Variants in LCP2 observed in about 807,000 individuals in gnomAD.
The protein encoded by LCP2 is 76 kDa tyrosine phosphoprotein.
Under a neutral mutation model 74.5 loss-of-function variants are expected in LCP2, and 29 were observed. That is an observed-to-expected ratio of 0.39 (90% CI 0.29 to 0.53). The LOEUF is 0.53. Among genes scored for constraint, LCP2 ranks in the 20% least tolerant of loss-of-function variants. The pLI, the probability that LCP2 is intolerant of heterozygous loss-of-function variation, is 0.72. For missense variants in LCP2, 604 were observed against 634.6 expected (o/e 0.95, Z 0.52); for synonymous variants, 228 against 229.5 (o/e 0.99, Z 0.06).
In LCP2 at chr5:170,246,345, A is replaced by G. The variant is rs530427329; in HGVS notation, c.*2352T>C. Reference sequence around the variant, plus strand: ...TGGGTCACTGCTTATCCTTTAGCTTATGCTTGAATTTGGCTCAGGTTGAAA... The same window carrying G: ...TGGGTCACTGCTTATCCTTTAGCTTGTGCTTGAATTTGGCTCAGGTTGAAA... On this transcript the variant is annotated 3_prime_UTR_variant, in exon 21 of 21. Transcript: ENST00000046794. 22 of 318,414 alleles carry G rather than the reference A, an allele frequency of 6.9e-5. No individual in the cohort carries two copies. Among genetic ancestry groups the G allele is most frequent in the Non-Finnish European group, 1.2e-4 (21 of 174,866 alleles). 19.7% of individuals were successfully genotyped at this position (318,414 alleles called of 1,614,324 possible). A position where few individuals can be genotyped will look rare whatever the true frequency, so the allele number is the denominator to read the frequency against.
intron 15 of LCP2, 136 bp downstream of exon 15, chr5:170,258,730 A>ATAAG (rs1295380610): frequency 1.7e-6 from 1 of 581,774 alleles, no homozygotes; most frequent in East Asian, 2.8e-5. Flanking sequence ...GCCAATTGAC[A>ATAAG]TAAGTCTACT....
chr5:170,274,085 G>A, intron 6 of LCP2: 1 of 576,194 alleles, frequency 1.7e-6, no homozygotes. Flanking sequence ...TTGTGCTCCA[G>A]TAGCAGAGTT....
Position 170,270,900 on chromosome 5 carries a change from T to C in LCP2, c.342A>G (p.Glu114=). The C allele has an allele frequency of 6.2e-7, 1 of 1,612,244 alleles. No homozygotes were observed. Among genetic ancestry groups the C allele is most frequent in the Non-Finnish European group, 8.5e-7 (1 of 1,179,162 alleles). The change falls in exon 7 of 21, where the codon GAA becomes GAG. Residue 114 remains glutamate (E), a synonymous_variant. Transcript: ENST00000046794. ...CCCCATCCTGGTCATCATTGGGACT[T>C]TCATAATCGTCTTCTTCCTGCCCAC... ...GWSSFEEDDY[E]SPNDDQDGED...
rs190265782 is a variant in LCP2 at position 170,266,168 on chromosome 5, T to C, written c.772+640A>G. Among the ~76,000 whole-genome samples the C allele has an allele frequency of 2.9e-3, 443 of 152,332 alleles. 2 individuals are homozygous for C. Among genetic ancestry groups the C allele is most frequent in the Non-Finnish European group, 3.1e-3 (213 of 68,036 alleles). ...AGCTAAGAATTGAATTGAAAATAGC[T>C]GCACGTGAAGGTAACTGCAATCCAA... On this transcript the variant is annotated intron_variant, in intron 10 of 20. Coordinates refer to ENST00000046794, the MANE Select transcript of LCP2 (RefSeq NM_005565.5).
At chr5:170,274,271 A>G (rs781770576) in intron 6 of LCP2, 30 bp downstream of exon 6, 3 of 1,610,706 alleles carry the variant, frequency 1.9e-6, no homozygotes, top group South Asian at 2.2e-5. Context: ...ACTGCTGTAA[A>G]GGTGCAAGAA....
At chr5:170,291,536 T>G (rs564803028) in intron 2 of LCP2, among the ~76,000 whole-genome samples, 1 of 152,228 alleles carries the variant, frequency 6.6e-6, no homozygotes, top group Admixed American at 6.5e-5. Flanking sequence ...GAAGGACTGA[T>G]AGAGGACTGA....
intron 6 of LCP2, among the ~76,000 whole-genome samples, chr5:170,271,804 A>C (rs1761900802): frequency 6.6e-6 from 1 of 152,050 alleles, no homozygotes; most frequent in South Asian, 2.1e-4. Context: ...GTGTGGGAAA[A>C]AGCAATGGGA....
intron 14 of LCP2, 64 bp downstream of exon 14, chr5:170,261,043 C>T (rs1217047136): frequency 2.3e-6 from 3 of 1,281,324 alleles, no homozygotes; most frequent in Non-Finnish European, 3.4e-6. Flanking sequence ...GAGTCCCAAC[C>T]TCCTAAGAGC....
At position 170,267,826 on chromosome 5, in the gene LCP2, G is replaced by A. The variant is rs1761797043; in HGVS notation, c.621+559C>T. Among the ~76,000 whole-genome samples, 3 of 152,066 alleles carry A rather than the reference G, an allele frequency of 2.0e-5. No homozygotes were observed. In the South Asian group the frequency reaches 6.2e-4, roughly 31 times the overall value. ...AGTGAATCCTGCATCTCAAAAGAAG[G>A]TCTTCAAATCTCAAAAGCAATATAC... On this transcript the variant is annotated intron_variant, in intron 8 of 20. Coordinates refer to ENST00000046794, the MANE Select transcript of LCP2 (RefSeq NM_005565.5).
chr5:170,297,426 T>A (rs1304721087), intron 1 of LCP2, 108 bp downstream of exon 1: 1 of 936,752 alleles, frequency 1.1e-6, no homozygotes, highest in Non-Finnish European at 1.6e-6. Context: ...AGGGTTCCAT[T>A]GCTATCTTAT....
At chr5:170,266,255 C>T (rs980225429) in intron 10 of LCP2, among the ~76,000 whole-genome samples, 2 of 152,190 alleles carry the variant, frequency 1.3e-5, no homozygotes, top group African/African-American at 4.8e-5. Context: ...TGGTCAATTG[C>T]ATACCTAAAA....
At chr5:170,275,895 C>T (rs1238263340) in intron 3 of LCP2, 35 bp from the exon 4 acceptor site, 3 of 1,524,744 alleles carry the variant, frequency 2.0e-6, no homozygotes, top group South Asian at 2.4e-5. Context: ...GAGATAAAAC[C>T]ATCACTCAGT....
At chr5:170,289,671 T>C (rs484109) in intron 2 of LCP2, among the ~76,000 whole-genome samples, 15,773 of 82,312 alleles carry the variant, frequency 0.19, 1,494 homozygotes, top group African/African-American at 0.33. Context: ...CTTTCTTTCT[T>C]TCTCTCTCTC....
rs769381394 is a variant in LCP2 at position 170,262,716 on chromosome 5, A to G, written c.845T>C (p.Ile282Thr). Residue 282 changes from isoleucine to threonine, a missense_variant, in exon 13 of 21, where the codon ATT becomes ACT. Physicochemically the swap from Ile to Thr is moderately conservative, Grantham distance 89. Transcript: ENST00000046794. ...GGTCGGTGGTAAAGGAGGCTTTTGA[A>G]TCTTGGGTAAATGCTCCCCGAGTGA... is the stretch of plus-strand genomic sequence containing the variant. ...GRSLGEHLPK[I>T]QKPPLPPTTE... is the part of the protein sequence containing the mutation. 26 of 1,613,964 alleles carry G rather than the reference A, an allele frequency of 1.6e-5. No individual in the cohort carries two copies. Among genetic ancestry groups the G allele is most frequent in the Non-Finnish European group, 2.1e-5 (25 of 1,179,862 alleles).
Position 170,270,755 on chromosome 5 carries a change from C to T in LCP2, c.487G>A (p.Ala163Thr), listed in dbSNP as rs776466316. 1.3e-6 allele frequency: 2 copies of T among 1,592,690 alleles called. No individual in the cohort carries two copies. Among genetic ancestry groups the T allele is most frequent in the South Asian group, 1.1e-5 (1 of 87,230 alleles). ...GAGTTGGAGTTGGGGAAAGGCTTGG[C>T]AGGCAGGATGGAGTTCTGCAGAGCT... is the stretch of plus-strand genomic sequence containing the variant. ...EEALQNSILP[A>T]KPFPNSNSMY... Residue 163 changes from alanine (A) to threonine (T), a missense_variant, in exon 7 of 21, where the codon GCC (alanine) becomes ACC (threonine). By Grantham distance (58) the Ala-to-Thr change is moderately conservative. Coordinates refer to ENST00000046794, the MANE Select transcript of LCP2 (RefSeq NM_005565.5).
At chr5:170,282,194 A>C (rs1258781304) in intron 3 of LCP2, among the ~76,000 whole-genome samples, 5 of 152,224 alleles carry the variant, frequency 3.3e-5, no homozygotes, top group Non-Finnish European at 5.9e-5. Flanking sequence ...TAATACTTAT[A>C]TTGTAAACGT....
At chr5:170,282,789 C>T (rs982571508) in intron 3 of LCP2, among the ~76,000 whole-genome samples, 15 of 152,326 alleles carry the variant, frequency 9.8e-5, no homozygotes, top group Admixed American at 6.5e-5. Context: ...GCTAGCTTGC[C>T]CTCAAGTCTC....
At chr5:170,280,913 A>G (rs1300513449) in intron 3 of LCP2, among the ~76,000 whole-genome samples, 2 of 152,162 alleles carry the variant, frequency 1.3e-5, no homozygotes, top group African/African-American at 4.8e-5. Context: ...CCGAGGCAGG[A>G]GAATCGCTTG....
chr5:170,276,359 C>T (rs573529906), intron 3 of LCP2, among the ~76,000 whole-genome samples: 29 of 152,186 alleles, frequency 1.9e-4, no homozygotes, highest in Non-Finnish European at 3.8e-4. Context: ...TTATCACAAC[C>T]TCTAGTGGGC....
Sources: gnomAD v4.1 joint callset for allele counts (sites outside exome capture counted in the v4.1 genomes callset) on GRCh38, gnomAD v4.1.1 for gene constraint, MANE v1.5 for transcripts, NCBI Gene and HGNC (gene_info 2026-07-23, HGNC 2026-07-21) for gene names.